Variants in DPYSL2 observed in about 807,000 individuals in gnomAD.
The protein encoded by DPYSL2 is dihydropyrimidinase-related protein 2.
Under a neutral mutation model 69.9 loss-of-function variants are expected in DPYSL2, and 13 were observed. The ratio of observed to expected loss-of-function variants is 0.19; its 90% confidence interval spans 0.12 to 0.30. The LOEUF is 0.30. Among genes scored for constraint, DPYSL2 ranks in the 10% least tolerant of loss-of-function variants. DPYSL2 has a pLI of 1.00. For missense variants in DPYSL2, 587 were observed against 918.9 expected (o/e 0.64, Z 4.67); for synonymous variants, 326 against 359.1 (o/e 0.91, Z 1.04).
rs1032138973 is a variant in DPYSL2, at chr8:26,644,711, C to T, written c.1425+620C>T. ...AGTCAGGAACAAACTTCCTTAGCAA[C>T]CAGGTGACTTACTCAGTTAATCCTC... is the stretch of plus-strand genomic sequence containing the variant. On this transcript the variant is annotated intron_variant, in intron 10 of 13. Transcript: ENST00000521913. The surrounding 1 kb of genome is among the most constrained non-coding windows in gnomAD (Gnocchi z 4.5). Among the ~76,000 whole-genome samples, 2 of 152,106 alleles carry T rather than the reference C, an allele frequency of 1.3e-5. No individual in the cohort carries two copies. The highest frequency in any genetic ancestry group is 4.8e-5 in the African/African-American group (2 of 41,402).
rs75668617 is a variant in DPYSL2, at chr8:26,653,773, A to C, written c.1942+376A>C. On this transcript the variant is annotated intron_variant, in intron 13 of 13. Transcript: ENST00000521913. The surrounding 1 kb of genome is among the most constrained non-coding windows in gnomAD (Gnocchi z 5.7). ...GAGTATCACCATGTTGGCCAGGCTG[A>C]TAGAACTCCTGACTTCAGGTGATCT... Among the ~76,000 whole-genome samples the C allele has an allele frequency of 2.0e-5, 3 of 151,988 alleles. No individual in the cohort carries two copies. The highest frequency in any genetic ancestry group is 6.5e-5 in the Admixed American group (1 of 15,272).
chr8:26,542,055 G>C (rs1490726495), intron 1 of DPYSL2, among the ~76,000 whole-genome samples: 1 of 152,172 alleles, frequency 6.6e-6, no homozygotes, highest in East Asian at 1.9e-4. Flanking sequence ...AAGATTGCTT[G>C]AGCCCAGGAG....
rs977255918 is a variant in DPYSL2, at chr8:26,587,764, C to T, written c.628+3781C>T. On this transcript the variant is annotated intron_variant, in intron 3 of 13. Transcript: ENST00000521913. The surrounding 1 kb of genome is among the most constrained non-coding windows in gnomAD (Gnocchi z 4.2). ...GGCATCCAGACCGGCTGAGGGGTTG[C>T]GGGGGCGGCCGCATTGCTGCTTGGG... 4.6e-5 allele frequency among the ~76,000 whole-genome samples: 7 copies of T among 152,040 alleles called. No individual in the cohort carries two copies. Among genetic ancestry groups the T allele is most frequent in the Admixed American group, 2.6e-4 (4 of 15,260 alleles).
chr8:26,631,298 C>G (rs1253761266), intron 7 of DPYSL2, among the ~76,000 whole-genome samples: 1 of 152,128 alleles, frequency 6.6e-6, no homozygotes, highest in African/African-American at 2.4e-5. Flanking sequence ...AACTTATAAT[C>G]ATGGTGGAAG....
intron 7 of DPYSL2, among the ~76,000 whole-genome samples, chr8:26,628,551 G>T (rs191047828): frequency 2.0e-5 from 3 of 152,336 alleles, no homozygotes; most frequent in Admixed American, 2.0e-4. Flanking sequence ...GTGTTCATCA[G>T]TTAGAATTTG....
intron 1 of DPYSL2, among the ~76,000 whole-genome samples, chr8:26,550,821 G>C (rs1346109922): frequency 2.6e-5 from 4 of 152,194 alleles, no homozygotes; most frequent in African/African-American, 4.8e-5. Context: ...ATAACTCTCA[G>C]GCTGAACCAA....
At chr8:26,577,339 G>A (rs932582896) in intron 1 of DPYSL2, 5 of 210,506 alleles carry the variant, frequency 2.4e-5, no homozygotes, top group Admixed American at 1.3e-4. Context: ...CGCCGTTCCA[G>A]TCCTCAGCCG....
intron 1 of DPYSL2, among the ~76,000 whole-genome samples, chr8:26,538,269 A>G (rs982390197): frequency 3.3e-5 from 5 of 151,874 alleles, no homozygotes; most frequent in African/African-American, 1.2e-4. Context: ...AACAAAAACA[A>G]TGAACAAACA....
At chr8:26,524,992 T>C (rs536863939) in intron 1 of DPYSL2, among the ~76,000 whole-genome samples, 1 of 152,218 alleles carries the variant, frequency 6.6e-6, no homozygotes, top group South Asian at 2.1e-4. Flanking sequence ...AAAAATTACA[T>C]GTTAAAATGT....
At chr8:26,553,714 A>G (rs1030531722) in intron 1 of DPYSL2, among the ~76,000 whole-genome samples, 1 of 152,120 alleles carries the variant, frequency 6.6e-6, no homozygotes, top group South Asian at 2.1e-4. Flanking sequence ...TGGTAGAACA[A>G]TTTATATTCC....
chr8:26,523,541 G>C (rs939268213), intron 1 of DPYSL2, among the ~76,000 whole-genome samples: 9 of 151,952 alleles, frequency 5.9e-5, no homozygotes, highest in Non-Finnish European at 1.2e-4. Flanking sequence ...ACTACTTTAG[G>C]ACCCTCATGT....
intron 3 of DPYSL2, among the ~76,000 whole-genome samples, chr8:26,612,988 A>C (rs1235061900): frequency 6.6e-6 from 1 of 152,232 alleles, no homozygotes; most frequent in East Asian, 1.9e-4. Context: ...ACGTGATAAC[A>C]CTTTGTGAAT....
At chr8:26,576,882 C>G (rs771621499) in intron 1 of DPYSL2, among the ~76,000 whole-genome samples, 2 of 152,232 alleles carry the variant, frequency 1.3e-5, no homozygotes, top group Non-Finnish European at 2.9e-5. Flanking sequence ...GCAGCAGCTG[C>G]CCCCGACAGC....
At position 26,560,364 on chromosome 8, in the gene DPYSL2, C is replaced by T. The variant is rs1801052066; in HGVS notation, c.355-21605C>T. Among the ~76,000 whole-genome samples, 1 of 152,206 alleles carries T rather than the reference C, an allele frequency of 6.6e-6. No individual in the cohort carries two copies. Among genetic ancestry groups the T allele is most frequent in the South Asian group, 2.1e-4 (1 of 4,828 alleles). On this transcript the variant is annotated intron_variant, in intron 1 of 13. Transcript: ENST00000521913. This position sits in a 1 kb window ranked among gnomAD's most constrained non-coding sequence, Gnocchi z 4.4. Reference sequence around the variant, plus strand: ...AAAGGATTTATTTTCACTTTATTCTCTATTTAAGATAACATTTAGCTTTTA... The same window carrying T: ...AAAGGATTTATTTTCACTTTATTCTTTATTTAAGATAACATTTAGCTTTTA...
intron 3 of DPYSL2, among the ~76,000 whole-genome samples, chr8:26,595,388 T>G (rs1034745609): frequency 6.6e-6 from 1 of 152,158 alleles, no homozygotes; most frequent in Non-Finnish European, 1.5e-5. Context: ...CCTGCAGATG[T>G]AAAGCAGTGT....
intron 1 of DPYSL2, among the ~76,000 whole-genome samples, chr8:26,576,512 A>G (rs2129707079): frequency 6.6e-6 from 1 of 152,240 alleles, no homozygotes; most frequent in South Asian, 2.1e-4. Flanking sequence ...TGGCCTCGGT[A>G]GATTCCTGAG....
intron 1 of DPYSL2, among the ~76,000 whole-genome samples, chr8:26,573,226 G>A (rs1244387365): frequency 3.3e-5 from 5 of 152,230 alleles, no homozygotes; most frequent in African/African-American, 4.8e-5. Flanking sequence ...AGGAAGGCCC[G>A]GCAAAGTGAT....
intron 1 of DPYSL2, among the ~76,000 whole-genome samples, chr8:26,551,501 A>G (rs985100574): frequency 6.6e-6 from 1 of 152,182 alleles, no homozygotes; most frequent in Non-Finnish European, 1.5e-5. Flanking sequence ...AGACTTCAAC[A>G]CCCCTCTGTC....
intron 1 of DPYSL2, among the ~76,000 whole-genome samples, chr8:26,515,466 G>T (rs1346203411): frequency 6.6e-6 from 1 of 152,168 alleles, no homozygotes; most frequent in East Asian, 1.9e-4. Context: ...AAGAAAAGGG[G>T]GAAAACCCCT....
Sources: gnomAD v4.1 joint callset for allele counts (sites outside exome capture counted in the v4.1 genomes callset) on GRCh38, gnomAD v4.1.1 for gene constraint, Gnocchi (gnomAD v3.1) non-coding constraint, MANE v1.5 for transcripts, NCBI Gene and HGNC (gene_info 2026-07-23, HGNC 2026-07-21) for gene names.